Variants in RTEL1 observed in about 807,000 individuals in gnomAD.
RTEL1 encodes regulator of telomere elongation helicase 1.
Under a neutral mutation model 162.2 loss-of-function variants are expected in RTEL1, and 86 were observed. The observed-to-expected ratio is 0.53, with a 90% CI of 0.45 to 0.63. The LOEUF (loss-of-function observed/expected upper bound fraction) is 0.63, where lower values mean the gene tolerates loss of function less well. RTEL1 is among the 30% of genes least tolerant of loss of function. The pLI, the probability that RTEL1 is intolerant of heterozygous loss-of-function variation, is 0.00. For missense variants in RTEL1, 1,941 were observed against 1,750.2 expected, an observed-to-expected ratio of 1.11 and a Z score of -1.95; for synonymous variants, 958 against 717.9, an observed-to-expected ratio of 1.33 and a Z score of -5.35.
chr20:63,659,714 C>T (rs2146142499), intron 2 of RTEL1, among the ~76,000 whole-genome samples: 1 of 152,294 alleles, frequency 6.6e-6, no homozygotes, highest in Middle Eastern at 3.4e-3. Flanking sequence ...CCCTCCACAC[C>T]TGTGGGTATT....
rs747497376 is a variant in RTEL1 at position 63,688,339 on chromosome 20, T to A, written c.1675T>A (p.Phe559Ile). ...CGTGGTGCCCTATGGGCTCCTGATC[T>A]TCTTCCCTTCCTATCCTGTCATGGA... ...ARVVPYGLLI[F>I]FPSYPVMEKS... is the part of the protein sequence containing the mutation. Residue 559 changes from phenylalanine (F) to isoleucine (I), a missense_variant, in exon 20 of 35, where the codon TTC (phenylalanine) becomes ATC (isoleucine). Phe to Ile is a conservative substitution (Grantham distance 21). Coordinates refer to ENST00000360203, the MANE Select transcript of RTEL1 (RefSeq NM_001283009.2). 7 of 1,612,690 alleles carry A rather than the reference T, an allele frequency of 4.3e-6. No homozygotes were observed. The highest frequency in any genetic ancestry group is 5.9e-6 in the Non-Finnish European group (7 of 1,179,960).
chr20:63,692,515 G>T, intron 28 of RTEL1: 1 of 490,536 alleles, frequency 2.0e-6, no homozygotes, highest in Non-Finnish European at 3.7e-6. Context: ...GGAGAGAGAC[G>T]GGCCATGCAG....
intron 6 of RTEL1, among the ~76,000 whole-genome samples, chr20:63,664,170 C>A (rs994058217): frequency 5.9e-5 from 9 of 152,176 alleles, no homozygotes; most frequent in African/African-American, 1.4e-4. Context: ...GCTGCCGGCT[C>A]GTCCCGGTGA....
intron 10 of RTEL1, among the ~76,000 whole-genome samples, chr20:63,676,778 CAAA>C (rs963306454): frequency 1.3e-5 from 2 of 152,216 alleles, no homozygotes; most frequent in South Asian, 4.2e-4. Context: ...ACTAAAAATA[CAAA>C]AAAATTAGCC....
chr20:63,692,658 C>T, intron 28 of RTEL1, 147 bp from the exon 29 acceptor site: 2 of 750,360 alleles, frequency 2.7e-6, no homozygotes, highest in Non-Finnish European at 4.4e-6. Flanking sequence ...TCCCTATGTC[C>T]ATCCAGCCAG....
intron 7 of RTEL1, among the ~76,000 whole-genome samples, chr20:63,666,870 C>G (rs528151269): frequency 1.5e-5 from 2 of 129,516 alleles, no homozygotes; most frequent in South Asian, 2.5e-4. Flanking sequence ...GACGGAGTCT[C>G]GCTCTGTCGC....
At chr20:63,662,373 C>A (rs565661182) in intron 4 of RTEL1, 173 bp from the exon 5 acceptor site, 2 of 1,343,424 alleles carry the variant, frequency 1.5e-6, no homozygotes, top group East Asian at 5.0e-5. Flanking sequence ...TCCCTCTGTC[C>A]AGTACCCCCG....
Position 63,695,145 on chromosome 20 carries a change from G to A in RTEL1, c.3423G>A (p.Pro1141=), listed in dbSNP as rs41306796. Residue 1141 remains proline, a synonymous_variant, in exon 33 of 35, where the codon CCG becomes CCA. Transcript: ENST00000360203. ...CAGACCTGACCGGCCGGCCCTACCC[G>A]GGCATGGAGCCACCGGGACCCCAGG... ...TCTDLTGRPY[P]GMEPPGPQEE... 2.5e-3 allele frequency: 4,053 copies of A among 1,612,370 alleles called. 9 individuals carry two copies. Among genetic ancestry groups the A allele is most frequent in the Non-Finnish European group, 3.2e-3 (3,751 of 1,179,842 alleles).
At chr20:63,693,657 A>T (rs573327879) in intron 30 of RTEL1, among the ~76,000 whole-genome samples, 263 of 16,696 alleles carry the variant, frequency 0.016, no homozygotes, top group East Asian at 0.027. Flanking sequence ...CACCTCCACC[A>T]CCACCTCCAC....
At chr20:63,688,448 A>T in intron 20 of RTEL1, 62 bp downstream of exon 20, 2 of 1,602,404 alleles carry the variant, frequency 1.2e-6, no homozygotes, top group Admixed American at 3.3e-5. Flanking sequence ...TGAAGCAGGC[A>T]GTGGTCACAG....
chr20:63,671,460 A>G (rs1279634953), intron 8 of RTEL1, among the ~76,000 whole-genome samples: 1 of 151,966 alleles, frequency 6.6e-6, no homozygotes, highest in Non-Finnish European at 1.5e-5. Context: ...AACTCAGTAC[A>G]CTTAAAATGA....
chr20:63,676,040 G>A (rs1040006779), intron 10 of RTEL1, among the ~76,000 whole-genome samples: 3 of 151,994 alleles, frequency 2.0e-5, no homozygotes, highest in African/African-American at 7.2e-5. Context: ...ATCTCATTCA[G>A]GACCAGAACT....
At chr20:63,688,451 G>T (rs933437669) in intron 20 of RTEL1, 65 bp downstream of exon 20, 2 of 1,605,812 alleles carry the variant, frequency 1.2e-6, no homozygotes, top group African/African-American at 2.7e-5. Context: ...AGCAGGCAGT[G>T]GTCACAGCTC....
rs1568718829 is a variant in RTEL1 at position 63,693,249 on chromosome 20, A to G, written c.2958A>G (p.Arg986=). The change falls in exon 30 of 35, where the codon CGA becomes CGG. Residue 986 remains arginine (R), a synonymous_variant. Transcript: ENST00000360203. ...ATCGGCCTGAGCACAGCATTCCCCGAAGGCAGCGGGCACAGCCGGTCCTGG... is the reference window on the plus strand; with the variant it reads ...ATCGGCCTGAGCACAGCATTCCCCGGAGGCAGCGGGCACAGCCGGTCCTGG... ...CGYRPEHSIP[R]RQRAQPVLDP... is the part of the protein sequence containing the mutation. The G allele has an allele frequency of 3.1e-6, 5 of 1,611,944 alleles. No individual in the cohort carries two copies. The highest frequency in any genetic ancestry group is 4.2e-6 in the Non-Finnish European group (5 of 1,179,434).
intron 31 of RTEL1, 83 bp from the exon 32 acceptor site, chr20:63,694,658 T>TC: frequency 7.5e-7 from 1 of 1,341,544 alleles, no homozygotes; most frequent in Non-Finnish European, 1.0e-6. Flanking sequence ...CTCCAGGAGT[T>TC]CCTGGAGGAA....
intron 7 of RTEL1, among the ~76,000 whole-genome samples, chr20:63,666,541 C>A (rs1216259710): frequency 6.6e-6 from 1 of 152,156 alleles, no homozygotes; most frequent in Non-Finnish European, 1.5e-5. Flanking sequence ...AAACCTCCCT[C>A]CCCCTTTTTT....
intron 19 of RTEL1, 49 bp downstream of exon 19, chr20:63,688,228 C>G (rs368088553): frequency 1.3e-4 from 214 of 1,609,902 alleles, no homozygotes; most frequent in Non-Finnish European, 1.5e-4. Flanking sequence ...TCCTGGACCC[C>G]TGCTCCCAAG....
chr20:63,662,426 T>TA, intron 4 of RTEL1, 120 bp from the exon 5 acceptor site: 3 of 1,557,742 alleles, frequency 1.9e-6, no homozygotes, highest in Admixed American at 2.0e-5. Flanking sequence ...ACGTTTCAGT[T>TA]ATGCTCACTT....
chr20:63,693,211 C>T lies in RTEL1; in HGVS notation c.2920C>T (p.Arg974Ter), dbSNP rs398123017. The T allele has an allele frequency of 5.7e-5, 92 of 1,611,994 alleles. No homozygotes were observed. The highest frequency in any genetic ancestry group is 7.7e-5 in the South Asian group (7 of 91,090). The change falls in exon 30 of 35, where the codon CGA becomes TGA. Residue 974 changes from arginine (R) to a stop codon, truncating the protein, a stop_gained. Coordinates refer to ENST00000360203, the MANE Select transcript of RTEL1 (RefSeq NM_001283009.2). LOFTEE classifies it high-confidence loss of function. ...GGAGGTCTGTATCCAGCTGACAGGA[C>T]GAGGCTGTGGCTATCGGCCTGAGCA... is the stretch of plus-strand genomic sequence containing the variant. ...FEEVCIQLTG[R>*]GCGYRPEHSI...
Sources: allele counts gnomAD v4.1 joint callset (sites outside exome capture counted in the v4.1 genomes callset), GRCh38; gene constraint gnomAD v4.1.1; transcripts MANE v1.5; gene names NCBI Gene and HGNC (gene_info 2026-07-23, HGNC 2026-07-21).